UBE2G1: variants seen among roughly 807,000 people sequenced by gnomAD.
UBE2G1 encodes the protein ubiquitin-conjugating enzyme E2 G1.
A neutral mutation model predicts 22.7 loss-of-function variants in UBE2G1; 5 were observed. That is an observed-to-expected ratio of 0.22 (90% confidence interval 0.12 to 0.46). The LOEUF is 0.46. Ranked by LOEUF, UBE2G1 falls within the 20% of genes least tolerant of loss-of-function variation. The pLI is 0.99. For missense variants in UBE2G1, 88 were observed against 203.9 expected (o/e 0.43, Z 3.46); for synonymous variants, 74 against 67.5 (o/e 1.10, Z -0.47).
chr17:4,366,047 C>CG (rs1970030810), intron 1 of UBE2G1, among the ~76,000 whole-genome samples: 1 of 152,068 alleles, frequency 6.6e-6, no homozygotes, highest in African/African-American at 2.4e-5. Context: ...GGGCGCCAGG[C>CG]CCAGTCCCTG....
intron 5 of UBE2G1, among the ~76,000 whole-genome samples, chr17:4,276,241 A>C (rs1303928505): frequency 6.6e-6 from 1 of 151,976 alleles, no homozygotes; most frequent in Non-Finnish European, 1.5e-5. Context: ...CCCAGGCTGG[A>C]GTGCAGTGGT....
At chr17:4,349,609 C>T (rs906449752) in intron 1 of UBE2G1, among the ~76,000 whole-genome samples, 14 of 151,930 alleles carry the variant, frequency 9.2e-5, no homozygotes, top group East Asian at 1.9e-4. Flanking sequence ...CTTGGGAGGC[C>T]GAGGTGGGCG....
intron 2 of UBE2G1, chr17:4,301,621 G>A: frequency 1.0e-6 from 1 of 966,844 alleles, no homozygotes; most frequent in Non-Finnish European, 1.7e-6. Flanking sequence ...GGAATATGAT[G>A]GGGCACAATT....
rs1968732680 is a variant in UBE2G1 at position 4,269,945 on chromosome 17, A to C, written c.*2609T>G. 1 of 152,786 alleles carries C rather than the reference A, an allele frequency of 6.5e-6. No homozygotes were observed. The highest frequency in any genetic ancestry group is 1.5e-5 in the Non-Finnish European group (1 of 68,102). 9.5% of individuals were successfully genotyped at this position (152,786 alleles called of 1,614,324 possible). ...TCACCTGAATGTGGGTTTCGTATCA[A>C]ATGTAGAGGCATTTAAATTTACATT... On this transcript the variant is annotated 3_prime_UTR_variant, in exon 6 of 6. Coordinates refer to ENST00000396981, the MANE Select transcript of UBE2G1 (RefSeq NM_003342.5).
chr17:4,315,502 A>C (rs1969355980), intron 1 of UBE2G1, among the ~76,000 whole-genome samples: 1 of 151,928 alleles, frequency 6.6e-6, no homozygotes, highest in South Asian at 2.1e-4. Flanking sequence ...GCACTTTCGG[A>C]GGCTGAGACG....
intron 5 of UBE2G1, among the ~76,000 whole-genome samples, chr17:4,273,022 A>G (rs1968778800): frequency 6.6e-6 from 1 of 152,214 alleles, no homozygotes. Context: ...CTAACTCACT[A>G]TAGCTCCCTT....
At chr17:4,279,420 C>T (rs144461846) in intron 5 of UBE2G1, among the ~76,000 whole-genome samples, 40 of 152,234 alleles carry the variant, frequency 2.6e-4, no homozygotes, top group African/African-American at 7.7e-4. Flanking sequence ...AGTTACACAT[C>T]AGGGGAAAGT....
At chr17:4,359,592 C>A (rs963593574) in intron 1 of UBE2G1, among the ~76,000 whole-genome samples, 10 of 152,278 alleles carry the variant, frequency 6.6e-5, no homozygotes, top group African/African-American at 2.4e-4. Context: ...CTGATTAGAC[C>A]GGGCGCGATG....
chr17:4,356,037 C>T (rs1390742661), intron 1 of UBE2G1, among the ~76,000 whole-genome samples: 1 of 123,238 alleles, frequency 8.1e-6, no homozygotes, highest in East Asian at 2.4e-4. Context: ...TCTTAATAAA[C>T]TTGTTTCACT....
At position 4,321,142 on chromosome 17, in the gene UBE2G1, C is replaced by A. The variant is rs573901643; in HGVS notation, c.47-14019G>T. On this transcript the variant is annotated intron_variant, in intron 1 of 5. Coordinates refer to ENST00000396981, the MANE Select transcript of UBE2G1 (RefSeq NM_003342.5). ...TCCAGCCTGAACAATAGAGGAAGAC[C>A]CCATCTTAAAAAAAAATTAATTTAA... Among the ~76,000 whole-genome samples, 8 of 151,908 alleles carry A rather than the reference C, an allele frequency of 5.3e-5. No individual in the cohort carries two copies. The South Asian group carries it at 1.7e-3, about 32-fold the overall frequency.
At chr17:4,288,616 G>T (rs536329301) in intron 4 of UBE2G1, among the ~76,000 whole-genome samples, 3 of 151,982 alleles carry the variant, frequency 2.0e-5, no homozygotes, top group African/African-American at 7.3e-5. Flanking sequence ...TCACAGTTAC[G>T]ACAAGCCATT....
At chr17:4,276,196 G>GC (rs1168615914) in intron 5 of UBE2G1, among the ~76,000 whole-genome samples, 10 of 151,818 alleles carry the variant, frequency 6.6e-5, no homozygotes, top group Non-Finnish European at 1.5e-4. Context: ...AAGCCCCCCC[G>GC]CCCTTTTTTT....
intron 1 of UBE2G1, among the ~76,000 whole-genome samples, chr17:4,339,046 TTC>T (rs1969681579): frequency 6.6e-6 from 1 of 152,220 alleles, no homozygotes; most frequent in African/African-American, 2.4e-5. Context: ...TTTACAGGTA[TTC>T]TTTCCTTTTA....
At chr17:4,313,591 T>C (rs1969335295) in intron 1 of UBE2G1, among the ~76,000 whole-genome samples, 1 of 152,128 alleles carries the variant, frequency 6.6e-6, no homozygotes, top group Non-Finnish European at 1.5e-5. Context: ...GAGGCAAAAC[T>C]AACCAACAGT....
Position 4,278,088 on chromosome 17 carries a change from C to T in UBE2G1, c.*37+4710G>A, listed in dbSNP as rs144692539. On this transcript the variant is annotated intron_variant, in intron 5 of 5. Coordinates refer to ENST00000396981, the MANE Select transcript of UBE2G1 (RefSeq NM_003342.5). The stretch of plus-strand genomic sequence containing the variant: ...CTACTTTTTGTATTTTTAGTGGAGA[C>T]GGGGTTTCACCATGTTGGCCAGGCT... Among the ~76,000 whole-genome samples the T allele has an allele frequency of 6.3e-3, 956 of 152,236 alleles. 11 individuals are homozygous for T. Among genetic ancestry groups the T allele is most frequent in the African/African-American group, 0.022 (928 of 41,538 alleles).
chr17:4,344,936 A>G (rs1420920857), intron 1 of UBE2G1, among the ~76,000 whole-genome samples: 3 of 152,246 alleles, frequency 2.0e-5, no homozygotes, highest in Admixed American at 6.5e-5. Context: ...CTGCCTTCAG[A>G]AATTTCCCAC....
chr17:4,340,778 T>C (rs905152419), intron 1 of UBE2G1, among the ~76,000 whole-genome samples: 8 of 151,570 alleles, frequency 5.3e-5, no homozygotes, highest in African/African-American at 1.9e-4. Flanking sequence ...TTTTTTTTTA[T>C]TTTTTCTTAA....
At chr17:4,281,904 T>G (rs927065581) in intron 5 of UBE2G1, among the ~76,000 whole-genome samples, 1 of 152,214 alleles carries the variant, frequency 6.6e-6, no homozygotes, top group African/African-American at 2.4e-5. Context: ...ATAACCCACA[T>G]GTGAGCAATT....
chr17:4,301,963 A>G, intron 2 of UBE2G1: 1 of 484,026 alleles, frequency 2.1e-6, no homozygotes, highest in Non-Finnish European at 4.1e-6. Context: ...GTATTCTTTC[A>G]CTAATCTGTG....
Sources: allele counts gnomAD v4.1 joint callset (sites outside exome capture counted in the v4.1 genomes callset), GRCh38; gene constraint gnomAD v4.1.1; transcripts MANE v1.5; gene names NCBI Gene and HGNC (gene_info 2026-07-23, HGNC 2026-07-21).